AKAP13: variants seen among roughly 807,000 people sequenced by gnomAD.
AKAP13 encodes the protein A-kinase anchoring protein 13.
Under a neutral mutation model 264.5 loss-of-function variants are expected in AKAP13, and 80 were observed. The ratio of observed to expected loss-of-function variants is 0.30; its 90% confidence interval spans 0.25 to 0.36. The LOEUF (loss-of-function observed/expected upper bound fraction) is 0.36. Among genes scored for constraint, AKAP13 ranks in the 10% least tolerant of loss-of-function variants. AKAP13 has a pLI of 1.00. For synonymous variants in AKAP13, 1,380 were observed against 1,250.2 expected, an observed-to-expected ratio of 1.10 and a Z score of -2.19; for missense variants, 3,712 against 3,435.2, an observed-to-expected ratio of 1.08 and a Z score of -2.01.
In AKAP13 at chr15:85,512,046, CT is replaced by C. The variant is rs368313483; in HGVS notation, c.34-9371del. ...TTCAGTATATACCACATAAGACTGT[CT>C]TTTTTTTTTTCTTCGTCGCCTACAC... On this transcript the variant is annotated intron_variant, in intron 2 of 36. Transcript: ENST00000394518. 4.8e-3 allele frequency among the ~76,000 whole-genome samples: 706 copies of C among 147,606 alleles called. 5 individuals carry two copies. Among genetic ancestry groups the C allele is most frequent in the South Asian group, 0.027 (126 of 4,658 alleles).
chr15:85,705,456 A>G (rs2086176247), intron 17 of AKAP13, among the ~76,000 whole-genome samples: 1 of 151,988 alleles, frequency 6.6e-6, no homozygotes, highest in Non-Finnish European at 1.5e-5. Flanking sequence ...AAAACAAAAG[A>G]AAAAAAATAT....
At chr15:85,603,474 G>A (rs1404231802) in intron 8 of AKAP13, among the ~76,000 whole-genome samples, 1 of 152,226 alleles carries the variant, frequency 6.6e-6, no homozygotes, top group African/African-American at 2.4e-5. Context: ...TCTCCTCAAG[G>A]TTTTGCAGAC....
At chr15:85,735,682 T>C in intron 32 of AKAP13, 52 bp downstream of exon 32, 1 of 1,508,964 alleles carries the variant, frequency 6.6e-7, no homozygotes, top group South Asian at 1.2e-5. Flanking sequence ...TCCTCTGAAT[T>C]CATAACCTTT....
chr15:85,640,213 A>G (rs1456769037), intron 9 of AKAP13, among the ~76,000 whole-genome samples: 1 of 152,232 alleles, frequency 6.6e-6, no homozygotes, highest in Non-Finnish European at 1.5e-5. Context: ...GGTGTAGTAC[A>G]GATGACATGA....
chr15:85,699,852 C>T (rs1042169165), intron 17 of AKAP13, among the ~76,000 whole-genome samples: 2 of 152,188 alleles, frequency 1.3e-5, no homozygotes, highest in Non-Finnish European at 2.9e-5. Flanking sequence ...TACCAACTCT[C>T]AGTTCTGGAT....
chr15:85,709,338 G>T (rs1361182385), intron 18 of AKAP13, among the ~76,000 whole-genome samples: 1 of 151,984 alleles, frequency 6.6e-6, no homozygotes, highest in Non-Finnish European at 1.5e-5. Flanking sequence ...TAGAATATAA[G>T]CTCCAAACTC....
intron 2 of AKAP13, among the ~76,000 whole-genome samples, chr15:85,504,553 A>G (rs890063137): frequency 2.7e-5 from 4 of 147,426 alleles, no homozygotes; most frequent in African/African-American, 1.0e-4. Context: ...TTAGCCAGGC[A>G]TGGTGGCGTG....
chr15:85,577,684 A>G (rs2079061771), intron 6 of AKAP13: 1 of 536,682 alleles, frequency 1.9e-6, no homozygotes, highest in Non-Finnish European at 2.4e-6. Flanking sequence ...TACATATAGT[A>G]TCCATAATAT....
chr15:85,468,012 A>G (rs539191941), intron 1 of AKAP13, among the ~76,000 whole-genome samples: 2 of 152,360 alleles, frequency 1.3e-5, no homozygotes, highest in East Asian at 1.9e-4. Flanking sequence ...TTTTGTCTCA[A>G]TAATGTGAAA....
At position 85,557,271 on chromosome 15, in the gene AKAP13, A is replaced by G. The variant is rs938004921; in HGVS notation, c.662+13316A>G. Among the ~76,000 whole-genome samples, 4 of 152,194 alleles carry G rather than the reference A, an allele frequency of 2.6e-5. No individual in the cohort carries two copies. In the East Asian group the frequency reaches 5.8e-4, roughly 22 times the overall value. ...TGGTTGATTTGCCTAAACGCTATCT[A>G]TCTGCAGAACCTTGGCCTTGTTACT... is the stretch of plus-strand genomic sequence containing the variant. On this transcript the variant is annotated intron_variant, in intron 5 of 36. Transcript: ENST00000394518.
chr15:85,667,404 T>C (rs932287540), intron 13 of AKAP13, among the ~76,000 whole-genome samples: 1 of 152,174 alleles, frequency 6.6e-6, no homozygotes. Context: ...AATATGCTTG[T>C]TGAAGCAAGT....
intron 8 of AKAP13, among the ~76,000 whole-genome samples, chr15:85,635,796 C>T (rs946880148): frequency 6.6e-6 from 1 of 151,994 alleles, no homozygotes; most frequent in Non-Finnish European, 1.5e-5. Flanking sequence ...TATTAGTATC[C>T]AGTCGTTATA....
At chr15:85,700,604 G>A (rs141532457) in intron 17 of AKAP13, among the ~76,000 whole-genome samples, 5 of 152,158 alleles carry the variant, frequency 3.3e-5, no homozygotes, top group South Asian at 2.1e-4. Flanking sequence ...AATGGATAGG[G>A]CGGTAGCTTT....
At chr15:85,544,376 A>G (rs868147682) in intron 5 of AKAP13, among the ~76,000 whole-genome samples, 1 of 152,248 alleles carries the variant, frequency 6.6e-6, no homozygotes, top group Non-Finnish European at 1.5e-5. Context: ...ATTAGAAACC[A>G]GTACTTCCAT....
At chr15:85,660,620 A>T (rs902577076) in intron 12 of AKAP13, among the ~76,000 whole-genome samples, 71 of 152,272 alleles carry the variant, frequency 4.7e-4, no homozygotes, top group African/African-American at 1.6e-3. Context: ...TTAACTGGCG[A>T]TTTAAAATTT....
intron 8 of AKAP13, among the ~76,000 whole-genome samples, chr15:85,615,893 C>G (rs1206245117): frequency 6.6e-6 from 1 of 152,174 alleles, no homozygotes; most frequent in East Asian, 1.9e-4. Flanking sequence ...TTTTTCCATT[C>G]TGGAAATCTT....
chr15:85,658,415 T>A (rs1260556563), intron 11 of AKAP13, 122 bp from the exon 12 acceptor site: 18 of 748,222 alleles, frequency 2.4e-5, no homozygotes, highest in Non-Finnish European at 3.2e-5. Context: ...CTTCATTCTC[T>A]TGCCTGTGCC....
chr15:85,570,130 C>CCTGTG (rs2078762631), intron 5 of AKAP13, among the ~76,000 whole-genome samples: 1 of 146,384 alleles, frequency 6.8e-6, no homozygotes, highest in Admixed American at 6.9e-5. Context: ...TCACTGGATA[C>CCTGTG]CTGTGACAAA....
intron 4 of AKAP13, chr15:85,535,622 G>A (rs1202999138): frequency 1.3e-5 from 2 of 152,100 alleles, no homozygotes; most frequent in African/African-American, 4.8e-5. Flanking sequence ...TCACAAATCA[G>A]TGTCAAGATA....
Sources: gnomAD v4.1 joint callset for allele counts (sites outside exome capture counted in the v4.1 genomes callset) on GRCh38, gnomAD v4.1.1 for gene constraint, MANE v1.5 for transcripts, NCBI Gene and HGNC (gene_info 2026-07-23, HGNC 2026-07-21) for gene names.